Variants in RUSC2 observed in about 807,000 individuals in gnomAD.
RUSC2 encodes AP-4 complex accessory subunit RUSC2.
In RUSC2, 34 loss-of-function variants were observed where a neutral mutation model predicts 122.2. The ratio of observed to expected loss-of-function variants is 0.28; its 90% CI spans 0.21 to 0.37. RUSC2 has a LOEUF of 0.37. Ranked by LOEUF, RUSC2 falls within the 10% of genes least tolerant of loss-of-function variation. RUSC2 has a pLI of 1.00. For missense variants in RUSC2, 1,747 were observed against 1,952.4 expected (o/e 0.89, Z 1.98); for synonymous variants, 784 against 790.0 (o/e 0.99, Z 0.13).
At chr9:35,544,584 G>A (rs898633823) in intron 1 of RUSC2, among the ~76,000 whole-genome samples, 2 of 152,150 alleles carry the variant, frequency 1.3e-5, no homozygotes, top group African/African-American at 4.8e-5. Flanking sequence ...AGGATTACGG[G>A]CGTGAGCCAC....
chr9:35,555,447 G>T lies in RUSC2; in HGVS notation c.2402G>T (p.Cys801Phe). Reference protein sequence around the residue: ...PSTDSSASTSCSPPPEQPTAT... With the variant: ...PSTDSSASTSFSPPPEQPTAT... ...ACTGACTCTTCTGCCTCCACTTCGTGCTCCCCTCCCCCAGAGCAGCCCACA... is the reference window on the plus strand; with the variant it reads ...ACTGACTCTTCTGCCTCCACTTCGTTCTCCCCTCCCCCAGAGCAGCCCACA... Residue 801 changes from cysteine (C) to phenylalanine (F), a missense_variant, in exon 3 of 12, where the codon TGC (cysteine) becomes TTC (phenylalanine). By Grantham distance (205) the Cys-to-Phe change is radical. Transcript: ENST00000361226. The surrounding 1 kb of genome is among the most constrained non-coding windows in gnomAD (Gnocchi z 4.6). The T allele has an allele frequency of 6.2e-7, 1 of 1,614,186 alleles. No homozygotes were observed. Among genetic ancestry groups the T allele is most frequent in the Non-Finnish European group, 8.5e-7 (1 of 1,180,028 alleles).
chr9:35,524,082 G>C (rs1821273780), intron 1 of RUSC2, among the ~76,000 whole-genome samples: 2 of 151,938 alleles, frequency 1.3e-5, no homozygotes, highest in African/African-American at 4.8e-5. Context: ...CCAGCACTTT[G>C]GGAGGCTGAG....
chr9:35,536,607 G>A (rs552561274), intron 1 of RUSC2, among the ~76,000 whole-genome samples: 3 of 152,182 alleles, frequency 2.0e-5, no homozygotes, highest in South Asian at 4.1e-4. Context: ...GAGGTCAGGA[G>A]TTCAAAACAA....
At chr9:35,506,270 A>C (rs1337585024) in intron 1 of RUSC2, among the ~76,000 whole-genome samples, 3 of 152,242 alleles carry the variant, frequency 2.0e-5, no homozygotes, top group Admixed American at 1.3e-4. Context: ...AAAAAGGTGA[A>C]TTTTATACTA....
In RUSC2 at chr9:35,556,151, G is replaced by A; in HGVS notation, c.2842+14G>A. ...GCCGGCTGAATGGTGTGTGAGCAGG[G>A]TCCCCAGTACACCCGGGGCAGGCTC... On this transcript the variant is annotated intron_variant, in intron 4 of 11. Coordinates refer to ENST00000361226, the MANE Select transcript of RUSC2 (RefSeq NM_014806.5). The A allele has an allele frequency of 6.2e-7, 1 of 1,613,348 alleles. No homozygotes were observed. The highest frequency in any genetic ancestry group is 2.2e-5 in the East Asian group (1 of 44,850).
At chr9:35,531,244 G>A (rs1821413654) in intron 1 of RUSC2, among the ~76,000 whole-genome samples, 1 of 152,064 alleles carries the variant, frequency 6.6e-6, no homozygotes, top group Non-Finnish European at 1.5e-5. Context: ...CTGGGCGACA[G>A]AGCAAGACTC....
chr9:35,553,904 T>C (rs1298904802), intron 2 of RUSC2, among the ~76,000 whole-genome samples: 1 of 152,244 alleles, frequency 6.6e-6, no homozygotes, highest in African/African-American at 2.4e-5. Flanking sequence ...CAATTTCACA[T>C]GTAGTACAAT....
chr9:35,540,362 G>A (rs1821617471), intron 1 of RUSC2, among the ~76,000 whole-genome samples: 1 of 152,170 alleles, frequency 6.6e-6, no homozygotes, highest in African/African-American at 2.4e-5. Flanking sequence ...GCTAGACTCT[G>A]TCTGTAAAAA....
Position 35,547,144 on chromosome 9 carries a change from C to T in RUSC2, c.623C>T (p.Pro208Leu). 6.2e-7 allele frequency: 1 copy of T among 1,614,126 alleles called. No homozygotes were observed. Among genetic ancestry groups the T allele is most frequent in the Non-Finnish European group, 8.5e-7 (1 of 1,180,018 alleles). ...ETMELDECGG[P>L]GGSGSGGGAS... ...ATGGAGCTGGATGAGTGTGGGGGAC[C>T]TGGTGGGAGTGGCAGTGGGGGTGGA... is the stretch of plus-strand genomic sequence containing the variant. Residue 208 changes from proline (P) to leucine (L), a missense_variant, in exon 2 of 12, where the codon CCT becomes CTT. Transcript: ENST00000361226. The surrounding 1 kb of genome is among the most constrained non-coding windows in gnomAD (Gnocchi z 4.6).
intron 1 of RUSC2, among the ~76,000 whole-genome samples, chr9:35,515,468 A>G (rs535998144): frequency 6.6e-6 from 1 of 152,240 alleles, no homozygotes; most frequent in African/African-American, 2.4e-5. Context: ...ACAAAGTCAA[A>G]CAAGACCCAA....
chr9:35,559,204 C>T, intron 8 of RUSC2, 22 bp from the exon 9 acceptor site: 6 of 1,604,840 alleles, frequency 3.7e-6, no homozygotes, highest in Non-Finnish European at 4.3e-6. Context: ...AGACTCAACT[C>T]TCTTCACCTG....
At chr9:35,535,369 G>GC (rs1821501840) in intron 1 of RUSC2, among the ~76,000 whole-genome samples, 1 of 151,428 alleles carries the variant, frequency 6.6e-6, no homozygotes, top group South Asian at 2.1e-4. Context: ...GCCCGCTTCG[G>GC]CCCCCCAAAG....
In RUSC2 at chr9:35,555,775, T is replaced by C. The variant is rs1822003563; in HGVS notation, c.2656+74T>C. 6.6e-7 allele frequency: 1 copy of C among 1,508,276 alleles called. No homozygotes were observed. The highest frequency in any genetic ancestry group is 8.9e-7 in the Non-Finnish European group (1 of 1,129,430). The allele number at this position is 1,508,276 out of a possible 1,614,324, so 93.4% of individuals were successfully genotyped here. A position where few individuals can be genotyped will look rare whatever the true frequency, so the allele number is the denominator to read the frequency against. Reference sequence around the variant, plus strand: ...CTTCCACCACCTCCCCTTTGAGTGGTTGCTTACACTCTCACCTGGGGCCAG... The same window carrying C: ...CTTCCACCACCTCCCCTTTGAGTGGCTGCTTACACTCTCACCTGGGGCCAG... On this transcript the variant is annotated intron_variant, in intron 3 of 11. Coordinates refer to ENST00000361226, the MANE Select transcript of RUSC2 (RefSeq NM_014806.5). This position sits in a 1 kb window ranked among gnomAD's most constrained non-coding sequence, Gnocchi z 4.6.
At chr9:35,508,395 C>T (rs1820954991) in intron 1 of RUSC2, among the ~76,000 whole-genome samples, 1 of 152,220 alleles carries the variant, frequency 6.6e-6, no homozygotes, top group Non-Finnish European at 1.5e-5. Flanking sequence ...GAACATATCT[C>T]AGTGTAATGT....
intron 1 of RUSC2, among the ~76,000 whole-genome samples, chr9:35,540,406 A>G (rs1810606798): frequency 6.6e-6 from 1 of 152,070 alleles, no homozygotes; most frequent in Admixed American, 6.6e-5. Flanking sequence ...TCTAATAACC[A>G]CCTTGGTAGA....
chr9:35,556,080 A>T lies in RUSC2; in HGVS notation c.2785A>T (p.Ile929Phe). The T allele has an allele frequency of 1.2e-6, 2 of 1,614,132 alleles. No homozygotes were observed. Among genetic ancestry groups the T allele is most frequent in the Non-Finnish European group, 1.7e-6 (2 of 1,180,004 alleles). ...QEARLARRNP[I>F]FEFPGSLSAA... ...AGCTCGGCTGGCCCGAAGAAACCCT[A>T]TCTTTGAGTTCCCTGGCTCCCTCAG... Residue 929 changes from isoleucine (I) to phenylalanine (F), a missense_variant, in exon 4 of 12, where the codon ATC (isoleucine) becomes TTC (phenylalanine). Ile to Phe is a conservative substitution (Grantham distance 21). Transcript: ENST00000361226.
chr9:35,558,707 T>C lies in RUSC2; in HGVS notation c.3341+140T>C. ...GGTCCCCTCAGCCCGCTATGGCCTCTCAGTAGGTCACTGCCTCCCCACTGT... is the reference window on the plus strand; with the variant it reads ...GGTCCCCTCAGCCCGCTATGGCCTCCCAGTAGGTCACTGCCTCCCCACTGT... On this transcript the variant is annotated intron_variant, in intron 8 of 11. Transcript: ENST00000361226. This position sits in a 1 kb window ranked among gnomAD's most constrained non-coding sequence, Gnocchi z 4.3. The C allele has an allele frequency of 1.5e-6, 1 of 689,538 alleles. No homozygotes were observed. Among genetic ancestry groups the C allele is most frequent in the East Asian group, 2.6e-5 (1 of 37,880 alleles). The allele number at this position is 689,538 out of a possible 1,614,324, so 42.7% of individuals were successfully genotyped here. A position where few individuals can be genotyped will look rare whatever the true frequency, so the allele number is the denominator to read the frequency against.
chr9:35,545,379 C>T (rs936659541), intron 1 of RUSC2, among the ~76,000 whole-genome samples: 1 of 152,206 alleles, frequency 6.6e-6, no homozygotes, highest in African/African-American at 2.4e-5. Context: ...GCGACCTGAA[C>T]GTGGAAACAC....
At chr9:35,519,028 T>A (rs972296133) in intron 1 of RUSC2, among the ~76,000 whole-genome samples, 6 of 152,242 alleles carry the variant, frequency 3.9e-5, no homozygotes, top group Non-Finnish European at 8.8e-5. Context: ...TTGAGGTCCA[T>A]CTGGTCCCAG....
Sources: allele counts gnomAD v4.1 joint callset (sites outside exome capture counted in the v4.1 genomes callset), GRCh38; gene constraint gnomAD v4.1.1; non-coding constraint Gnocchi (gnomAD v3.1); transcripts MANE v1.5; gene names NCBI Gene and HGNC (gene_info 2026-07-23, HGNC 2026-07-21).